ERC1: variants seen among roughly 807,000 people sequenced by gnomAD.
ERC1 encodes RAB6 interacting protein 2.
In ERC1, 56 loss-of-function variants were observed where a neutral mutation model predicts 132.0. The ratio of observed to expected loss-of-function variants is 0.42; its 90% CI spans 0.34 to 0.53. ERC1 has a LOEUF of 0.53. ERC1 is among the 20% of genes least tolerant of loss of function. ERC1 has a pLI of 0.03. For synonymous variants in ERC1, 478 were observed against 476.1 expected, an observed-to-expected ratio of 1.00 and a Z score of -0.05; for missense variants, 1,202 against 1,349.9, an observed-to-expected ratio of 0.89 and a Z score of 1.72.
intron 2 of ERC1, among the ~76,000 whole-genome samples, chr12:1,033,714 C>G (rs1164574433): frequency 3.9e-5 from 6 of 151,988 alleles, no homozygotes; most frequent in Admixed American, 6.6e-5. Flanking sequence ...ACTGCAACCT[C>G]CGCCTCCTGA....
intron 14 of ERC1, among the ~76,000 whole-genome samples, chr12:1,287,556 C>T (rs1203170643): frequency 2.0e-5 from 3 of 152,190 alleles, no homozygotes; most frequent in Admixed American, 2.0e-4. Context: ...TAGAACAAAA[C>T]TCTGATCTTT....
intron 17 of ERC1, among the ~76,000 whole-genome samples, chr12:1,440,199 C>CTTTTTTTTTTTTTTTTTTTTTTTCTTT (rs756177628): frequency 7.8e-6 from 1 of 128,818 alleles, no homozygotes; most frequent in African/African-American, 3.1e-5. Flanking sequence ...CTTTCTTTCT[C>CTTTTTTTTTTTTTTTTTTTTTTTCTTT]TTTTTTTTTT....
chr12:1,248,153 A>G (rs995045101), intron 13 of ERC1, among the ~76,000 whole-genome samples: 2 of 152,202 alleles, frequency 1.3e-5, no homozygotes, highest in Non-Finnish European at 2.9e-5. Context: ...CTTCAAGTAT[A>G]GAAGGTTTAA....
At position 1,002,641 on chromosome 12, in the gene ERC1, G is replaced by A. The variant is rs1012575068; in HGVS notation, c.-157+11319G>A. Reference sequence around the variant, plus strand: ...GGTTCTACAAATTACATGCCCCAAAGAGTGTTTGAGAGTTCATTTTGTTCC... The same window carrying A: ...GGTTCTACAAATTACATGCCCCAAAAAGTGTTTGAGAGTTCATTTTGTTCC... On this transcript the variant is annotated intron_variant, in intron 1 of 18. Transcript: ENST00000360905. 2.0e-5 allele frequency among the ~76,000 whole-genome samples: 3 copies of A among 152,080 alleles called. No individual in the cohort carries two copies. In the East Asian group the frequency reaches 5.8e-4, roughly 29 times the overall value.
chr12:1,363,116 C>T (rs12300640), intron 15 of ERC1, among the ~76,000 whole-genome samples: 2,458 of 152,264 alleles, frequency 0.016, 70 homozygotes, highest in African/African-American at 0.055. Flanking sequence ...TCCCTGGCAA[C>T]GACTGATCTG....
chr12:1,165,242 T>A (rs1273683952), intron 8 of ERC1, among the ~76,000 whole-genome samples: 2 of 152,166 alleles, frequency 1.3e-5, no homozygotes, highest in Non-Finnish European at 2.9e-5. Context: ...AGAACCAGTG[T>A]GCTTGCTACA....
rs2090981093 is a variant in ERC1, at chr12:1,400,916, A to ATTATTTTTTTT, written c.2926-7231_2926-7230insATTTTTTTTTT. Among the ~76,000 whole-genome samples the ATTATTTTTTTT allele has an allele frequency of 8.6e-4, 13 of 15,040 alleles. 2 individuals are homozygous for ATTATTTTTTTT. The highest frequency in any genetic ancestry group is 3.7e-3 in the African/African-American group (12 of 3,232). 9.9% of individuals were successfully genotyped at this position (15,040 alleles called of 152,430 possible). The stretch of plus-strand genomic sequence containing the variant: ...TCAATATTGTTTTGGCTATTTTTGT[A>ATTATTTTTTTT]TTTTTTTTTTTTTTTTTTTTTTTTT... On this transcript the variant is annotated intron_variant, in intron 16 of 18. Transcript: ENST00000360905.
chr12:1,099,015 G>T (rs1046322532), intron 3 of ERC1, among the ~76,000 whole-genome samples: 1 of 152,154 alleles, frequency 6.6e-6, no homozygotes, highest in African/African-American at 2.4e-5. Flanking sequence ...GAGGGATTGG[G>T]CCGTTGCTTT....
At chr12:994,051 G>C (rs1352665627) in intron 1 of ERC1, among the ~76,000 whole-genome samples, 1 of 111,708 alleles carries the variant, frequency 9.0e-6, no homozygotes, top group Non-Finnish European at 1.7e-5. Flanking sequence ...CCTGAGTCAC[G>C]GCAAAACTCC....
At chr12:1,063,258 G>GTATGTATT (rs1054623553) in intron 2 of ERC1, among the ~76,000 whole-genome samples, 3 of 150,800 alleles carry the variant, frequency 2.0e-5, no homozygotes, top group Non-Finnish European at 3.0e-5. Flanking sequence ...ATGTATGTAT[G>GTATGTATT]TATTTATTTA....
At chr12:1,196,308 G>A (rs1473551236) in intron 12 of ERC1, among the ~76,000 whole-genome samples, 2 of 152,054 alleles carry the variant, frequency 1.3e-5, no homozygotes, top group Non-Finnish European at 2.9e-5. Context: ...CTTTTGAGAG[G>A]AATACATATA....
At chr12:1,227,304 C>G (rs770952854) in intron 12 of ERC1, among the ~76,000 whole-genome samples, 1 of 152,146 alleles carries the variant, frequency 6.6e-6, no homozygotes, top group Non-Finnish European at 1.5e-5. Flanking sequence ...TATCTTTTGT[C>G]TTTTTCATAG....
chr12:1,346,799 G>C (rs185093574), intron 15 of ERC1, among the ~76,000 whole-genome samples: 1 of 150,866 alleles, frequency 6.6e-6, no homozygotes, highest in African/African-American at 2.5e-5. Context: ...AAAATTAGCC[G>C]GGCGCGGTGG....
chr12:1,490,913 C>T lies in ERC1; in HGVS notation c.*683C>T, dbSNP rs1383086319. ...TGTCGCAGCCTTCCTCACTCTGTTC[C>T]TCGGCCAGTTAACAAGAAGATGGTG... On this transcript the variant is annotated 3_prime_UTR_variant, in exon 19 of 19. Coordinates refer to ENST00000360905, the MANE Select transcript of ERC1 (RefSeq NM_178040.4). 1 of 232,614 alleles carries T rather than the reference C, an allele frequency of 4.3e-6. No homozygotes were observed. Among genetic ancestry groups the T allele is most frequent in the Non-Finnish European group, 8.5e-6 (1 of 117,740 alleles). The allele number at this position is 232,614 out of a possible 1,614,324, so 14.4% of individuals were successfully genotyped here.
At chr12:1,045,022 C>T (rs1461283118) in intron 2 of ERC1, among the ~76,000 whole-genome samples, 1 of 151,828 alleles carries the variant, frequency 6.6e-6, no homozygotes, top group African/African-American at 2.4e-5. Flanking sequence ...TTAGTTGGGC[C>T]CAAAACTCTC....
At chr12:1,135,652 A>G (rs558580502) in intron 7 of ERC1, among the ~76,000 whole-genome samples, 14 of 152,328 alleles carry the variant, frequency 9.2e-5, no homozygotes, top group African/African-American at 3.1e-4. Context: ...ATATAAAGAT[A>G]CAAAGAAGAG....
intron 2 of ERC1, among the ~76,000 whole-genome samples, chr12:1,039,607 G>A (rs1969828339): frequency 6.6e-6 from 1 of 152,016 alleles, no homozygotes; most frequent in African/African-American, 2.4e-5. Flanking sequence ...TATTGAGATT[G>A]GGGAACTCTT....
intron 2 of ERC1, among the ~76,000 whole-genome samples, chr12:1,059,646 T>C (rs1973643296): frequency 6.6e-6 from 1 of 152,242 alleles, no homozygotes; most frequent in African/African-American, 2.4e-5. Flanking sequence ...ATTTATCGTT[T>C]TGTGTATGTT....
chr12:1,174,678 A>G (rs192274231), intron 8 of ERC1, among the ~76,000 whole-genome samples: 12 of 152,380 alleles, frequency 7.9e-5, no homozygotes, highest in African/African-American at 2.6e-4. Flanking sequence ...GGGTGTTTGT[A>G]TATTAGGTAG....
Sources: gnomAD v4.1 joint callset for allele counts (sites outside exome capture counted in the v4.1 genomes callset) on GRCh38, gnomAD v4.1.1 for gene constraint, MANE v1.5 for transcripts, NCBI Gene and HGNC (gene_info 2026-07-23, HGNC 2026-07-21) for gene names.